The following GSE1 variants were observed in gnomAD, a reference collection of about 807,000 sequenced individuals.
The protein encoded by GSE1 is Gse1 coiled-coil protein, also known as genetic suppressor element 1.
Under a neutral mutation model 112.6 loss-of-function variants are expected in GSE1, and 32 were observed. The observed-to-expected ratio is 0.28, with a 90% confidence interval of 0.21 to 0.38. GSE1 has a LOEUF of 0.38. Ranked by LOEUF, GSE1 falls within the 10% of genes least tolerant of loss-of-function variation. The probability of loss-of-function intolerance (pLI) is 1.00; values close to 1 mark genes in which losing one functional copy is unlikely to be tolerated. For missense variants in GSE1, 2,348 were observed against 1,699.2 expected (o/e 1.38, Z -6.71); for synonymous variants, 1,115 against 735.6 (o/e 1.52, Z -8.35).
chr16:85,522,769 G>A (rs2052231465), intron 2 of GSE1, among the ~76,000 whole-genome samples: 1 of 152,076 alleles, frequency 6.6e-6, no homozygotes, highest in Non-Finnish European at 1.5e-5. Context: ...GCTGTGTGGT[G>A]TAAATGGGTG....
Position 85,246,383 on chromosome 16 carries a change from A to G in GSE1, c.2283+74576A>G, listed in dbSNP as rs1259819179. On this transcript the variant is annotated intron_variant, in intron 1 of 2. Coordinates refer to the GSE1 transcript ENST00000637419. ...CACACACACACCACACGCTGTCTAC[A>G]CACACACCCCACACGCTGTCTACAC... is the stretch of plus-strand genomic sequence containing the variant. Among the ~76,000 whole-genome samples, 2 of 123,004 alleles carry G rather than the reference A, an allele frequency of 1.6e-5. 1 individual carries two copies. The highest frequency in any genetic ancestry group is 3.3e-5 in the Non-Finnish European group (2 of 60,410). The allele number at this position is 123,004 out of a possible 152,430, so 80.7% of individuals were successfully genotyped here.
rs59509773 is a variant in GSE1, at chr16:85,389,460, C to CAA, written c.2464+31837_2464+31838dup. 3.7e-3 allele frequency among the ~76,000 whole-genome samples: 289 copies of CAA among 77,624 alleles called. 1 individual carries two copies. The highest frequency in any genetic ancestry group is 0.012 in the South Asian group (21 of 1,746). The allele number at this position is 77,624 out of a possible 152,430, so 50.9% of individuals were successfully genotyped here. A position where few individuals can be genotyped will look rare whatever the true frequency, so the allele number is the denominator to read the frequency against. The stretch of plus-strand genomic sequence containing the variant: ...GGGTGACAGAGCGAGACTCTGTCTC[C>CAA]AAAAAAAAAAAAAAAAAAAAAGTGG... On this transcript the variant is annotated intron_variant, in intron 2 of 2. Transcript: ENST00000637419.
intron 2 of GSE1, among the ~76,000 whole-genome samples, chr16:85,384,786 G>T (rs1296163456): frequency 6.6e-6 from 1 of 151,876 alleles, no homozygotes; most frequent in Non-Finnish European, 1.5e-5. Context: ...AGGCGTGGAG[G>T]ACTGGAAACA....
chr16:85,312,205 G>GGGGGT (rs2045871034), intron 1 of GSE1, among the ~76,000 whole-genome samples: 1 of 72,928 alleles, frequency 1.4e-5, no homozygotes, highest in Admixed American at 1.2e-4. Flanking sequence ...ATCCTCTTGC[G>GGGGGT]GGGGGGGGGG....
chr16:85,543,210 C>CA (rs527634392), intron 2 of GSE1, among the ~76,000 whole-genome samples: 3,182 of 68,252 alleles, frequency 0.047, 132 homozygotes, highest in Admixed American at 0.13. Context: ...GACTCCATCT[C>CA]AAAAAAAAAA....
At chr16:85,540,940 G>C (rs538534675) in intron 2 of GSE1, among the ~76,000 whole-genome samples, 5 of 152,116 alleles carry the variant, frequency 3.3e-5, no homozygotes, top group Admixed American at 6.5e-5. Flanking sequence ...TTCTTATCTA[G>C]TTTTTTTGGG....
Position 85,229,175 on chromosome 16 carries a change from T to G in GSE1, c.2283+57368T>G, listed in dbSNP as rs144248618. On this transcript the variant is annotated intron_variant, in intron 1 of 2. Transcript: ENST00000637419. ...TAAGAGGACGCCCCCCTTTGTGGGT[T>G]CCAGCTGAGATCTGGCGCGGCACCA... Among the ~76,000 whole-genome samples the G allele has an allele frequency of 2.5e-3, 376 of 152,342 alleles. 1 individual carries two copies. Among genetic ancestry groups the G allele is most frequent in the Non-Finnish European group, 3.6e-3 (244 of 68,032 alleles).
At chr16:85,324,026 C>T (rs980781016) in intron 1 of GSE1, among the ~76,000 whole-genome samples, 9 of 152,170 alleles carry the variant, frequency 5.9e-5, no homozygotes, top group South Asian at 2.1e-4. Context: ...ACACCCATGA[C>T]GGGGCAGGAA....
intron 9 of GSE1, chr16:85,662,641 C>T: frequency 3.6e-6 from 1 of 274,064 alleles, no homozygotes; most frequent in East Asian, 8.0e-5. Flanking sequence ...TGGGGGAGTG[C>T]ATGTGCACAA....
chr16:85,596,825 C>G (rs1191602857), intron 1 of GSE1, among the ~76,000 whole-genome samples: 2 of 152,086 alleles, frequency 1.3e-5, no homozygotes, highest in Non-Finnish European at 2.9e-5. Context: ...CGCTTGAAGC[C>G]AGGACTTCGA....
intron 2 of GSE1, among the ~76,000 whole-genome samples, chr16:85,646,496 A>T (rs1391760099): frequency 6.6e-6 from 1 of 152,182 alleles, no homozygotes; most frequent in Non-Finnish European, 1.5e-5. Flanking sequence ...CTGCTGTGAT[A>T]TCATAGAATC....
At chr16:85,637,686 A>AC (rs2050117687) in intron 2 of GSE1, among the ~76,000 whole-genome samples, 1 of 151,692 alleles carries the variant, frequency 6.6e-6, no homozygotes, top group African/African-American at 2.4e-5. Context: ...GGGAATTCCA[A>AC]TCCCCAGCTT....
chr16:85,589,961 G>A (rs1375302318), intron 1 of GSE1, among the ~76,000 whole-genome samples: 2 of 152,028 alleles, frequency 1.3e-5, no homozygotes, highest in African/African-American at 4.8e-5. Context: ...GAATGTGAGA[G>A]TGATCGTGTG....
At chr16:85,545,763 GT>G (rs965906314) in intron 2 of GSE1, among the ~76,000 whole-genome samples, 1 of 152,030 alleles carries the variant, frequency 6.6e-6, no homozygotes, top group African/African-American at 2.4e-5. Flanking sequence ...TTGTTAGTTT[GT>G]TTTTTTGGTT....
chr16:85,505,014 CAT>C (rs1447490501), intron 2 of GSE1, among the ~76,000 whole-genome samples: 2 of 99,208 alleles, frequency 2.0e-5, no homozygotes, highest in African/African-American at 9.1e-5. Flanking sequence ...TGTGCACACA[CAT>C]GTGCACGCAC....
intron 1 of GSE1, among the ~76,000 whole-genome samples, chr16:85,280,859 T>C (rs1199807011): frequency 2.0e-5 from 3 of 152,172 alleles, no homozygotes; most frequent in Non-Finnish European, 4.4e-5. Flanking sequence ...AGAAAGCCAG[T>C]GCAAGGAGAA....
intron 1 of GSE1, among the ~76,000 whole-genome samples, chr16:85,616,137 G>C (rs576812152): frequency 8.5e-5 from 13 of 152,352 alleles, no homozygotes; most frequent in African/African-American, 3.1e-4. Context: ...CTCTGTGGCA[G>C]ACCGGGGTCC....
At chr16:85,595,846 A>T (rs1382464564) in intron 1 of GSE1, 32 of 55,258 alleles carry the variant, frequency 5.8e-4, no homozygotes. Context: ...CCATCTACCC[A>T]CACATCCATC....
intron 2 of GSE1, among the ~76,000 whole-genome samples, chr16:85,495,087 A>G (rs1415818000): frequency 6.6e-6 from 1 of 152,216 alleles, no homozygotes; most frequent in Non-Finnish European, 1.5e-5. Flanking sequence ...GGCTGTTTCC[A>G]GCACTAAATT....
Sources: allele counts gnomAD v4.1 joint callset (sites outside exome capture counted in the v4.1 genomes callset), GRCh38; gene constraint gnomAD v4.1.1; transcripts MANE v1.5; gene names NCBI Gene and HGNC (gene_info 2026-07-23, HGNC 2026-07-21).